The following ERP44 variants were observed in gnomAD, a reference collection of about 807,000 sequenced individuals.
ERP44 encodes endoplasmic reticulum resident protein 44.
In ERP44, 25 loss-of-function variants were observed where a neutral mutation model predicts 53.4. The observed-to-expected ratio is 0.47, with a 90% CI of 0.34 to 0.65. The LOEUF (loss-of-function observed/expected upper bound fraction) is 0.65. ERP44 is among the 30% of genes least tolerant of loss of function. The probability of loss-of-function intolerance (pLI) is 0.01; values close to 1 mark genes in which losing one functional copy is unlikely to be tolerated. For synonymous variants in ERP44, 145 were observed against 161.2 expected (o/e 0.90, Z 0.76); for missense variants, 338 against 493.2 (o/e 0.69, Z 2.98).
chr9:100,086,479 G>T (rs1252193723), intron 1 of ERP44, among the ~76,000 whole-genome samples: 1 of 152,130 alleles, frequency 6.6e-6, no homozygotes, highest in African/African-American at 2.4e-5. Context: ...TTTCTAAGGT[G>T]CTTTCTCCAT....
intron 7 of ERP44, among the ~76,000 whole-genome samples, chr9:100,016,658 C>A (rs756181798): frequency 6.6e-6 from 1 of 152,116 alleles, no homozygotes; most frequent in Non-Finnish European, 1.5e-5. Context: ...CATGCCACCA[C>A]GCCAAGCTAA....
At chr9:100,048,955 T>C (rs1056304308) in intron 4 of ERP44, among the ~76,000 whole-genome samples, 1 of 152,214 alleles carries the variant, frequency 6.6e-6, no homozygotes, top group Non-Finnish European at 1.5e-5. Context: ...ACAATGTGAA[T>C]ACATTTAACA....
At chr9:100,008,002 C>T (rs1470955120) in intron 8 of ERP44, among the ~76,000 whole-genome samples, 3 of 152,162 alleles carry the variant, frequency 2.0e-5, no homozygotes, top group Non-Finnish European at 2.9e-5. Flanking sequence ...GAATTCATGA[C>T]ATATAGAGGT....
chr9:100,027,353 C>T (rs1228583306), intron 4 of ERP44, among the ~76,000 whole-genome samples: 1 of 152,186 alleles, frequency 6.6e-6, no homozygotes, highest in Non-Finnish European at 1.5e-5. Context: ...ATCCTGGCAG[C>T]AGGTATGCTG....
chr9:100,005,231 T>G (rs929640414), intron 10 of ERP44, among the ~76,000 whole-genome samples: 6 of 152,196 alleles, frequency 3.9e-5, no homozygotes, highest in African/African-American at 1.2e-4. Context: ...TATACCTACC[T>G]TCGGCATCAA....
At chr9:100,062,186 T>C (rs1467381324) in intron 1 of ERP44, among the ~76,000 whole-genome samples, 1 of 152,194 alleles carries the variant, frequency 6.6e-6, no homozygotes, top group Non-Finnish European at 1.5e-5. Context: ...CATCAACCTA[T>C]GAATAAAAAT....
At chr9:99,989,895 G>A (rs1318765967) in intron 10 of ERP44, among the ~76,000 whole-genome samples, 4 of 152,164 alleles carry the variant, frequency 2.6e-5, no homozygotes, top group Non-Finnish European at 5.9e-5. Flanking sequence ...TACAGTAGCC[G>A]ATTCGATCCA....
In ERP44 at chr9:100,007,693, T is replaced by C; in HGVS notation, c.763-4A>G. The stretch of plus-strand genomic sequence containing the variant: ...GCAGTCCTTCTTCTGTCAATTCCTG[T>C]AGAGAGAAGCATTCAATGAGAATTA... On this transcript the variant is annotated splice_region_variant and splice_polypyrimidine_tract_variant and intron_variant, in intron 8 of 11. Transcript: ENST00000262455. 1.4e-6 allele frequency: 2 copies of C among 1,389,110 alleles called. No individual in the cohort carries two copies. The highest frequency in any genetic ancestry group is 1.4e-5 in the African/African-American group (1 of 70,660). The allele number at this position is 1,389,110 out of a possible 1,614,324, so 86.0% of individuals were successfully genotyped here.
At position 100,016,088 on chromosome 9, in the gene ERP44, C is replaced by T. The variant is rs565269724; in HGVS notation, c.762+234G>A. ...ATCACCTGAAAGGCATTTTCAAACT[C>T]ATTTTGAAGGCTGTAGTGAACTACT... is the stretch of plus-strand genomic sequence containing the variant. On this transcript the variant is annotated intron_variant, in intron 8 of 11. Coordinates refer to ENST00000262455, the MANE Select transcript of ERP44 (RefSeq NM_015051.3). 2.5e-3 allele frequency among the ~76,000 whole-genome samples: 377 copies of T among 152,262 alleles called. 2 individuals carry two copies. Among genetic ancestry groups the T allele is most frequent in the Non-Finnish European group, 3.4e-3 (234 of 68,014 alleles).
intron 10 of ERP44, among the ~76,000 whole-genome samples, chr9:100,001,092 T>G (rs1231255886): frequency 6.6e-6 from 1 of 152,218 alleles, no homozygotes; most frequent in Non-Finnish European, 1.5e-5. Flanking sequence ...CCTTTTAAAT[T>G]CTTCTTTGCT....
intron 4 of ERP44, among the ~76,000 whole-genome samples, chr9:100,024,700 A>G (rs575026082): frequency 1.3e-5 from 2 of 152,338 alleles, no homozygotes; most frequent in African/African-American, 4.8e-5. Flanking sequence ...AAAGCACATG[A>G]GTAATCATGC....
chr9:100,079,361 A>G (rs959058781), intron 1 of ERP44, among the ~76,000 whole-genome samples: 32 of 151,006 alleles, frequency 2.1e-4, no homozygotes, highest in Non-Finnish European at 4.3e-4. Context: ...CAGACAGCCT[A>G]TTGTGGAACC....
chr9:100,043,708 A>G (rs1255360178), intron 4 of ERP44, among the ~76,000 whole-genome samples: 1 of 151,702 alleles, frequency 6.6e-6, no homozygotes, highest in Non-Finnish European at 1.5e-5. Context: ...TGAGCTGAGA[A>G]CGCGCCACTG....
rs146186366 is a variant in ERP44 at position 100,028,203 on chromosome 9, A to G, written c.287-5977T>C. 8.5e-5 allele frequency among the ~76,000 whole-genome samples: 13 copies of G among 152,364 alleles called. No individual in the cohort carries two copies. In the East Asian group the frequency reaches 2.3e-3, roughly 27 times the overall value. ...GTGCTACCTAATCAAGGACAATTAC[A>G]AAGTACTTTCCTAAAAACACAAGTG... On this transcript the variant is annotated intron_variant, in intron 4 of 11. Coordinates refer to ENST00000262455, the MANE Select transcript of ERP44 (RefSeq NM_015051.3).
intron 7 of ERP44, among the ~76,000 whole-genome samples, chr9:100,017,590 T>A (rs903258002): frequency 1.3e-4 from 20 of 152,216 alleles, no homozygotes; most frequent in African/African-American, 4.3e-4. Context: ...GCATAAAAAT[T>A]AAAAATCTCA....
rs1420865926 is a variant in ERP44, at chr9:99,992,604, CACAAG to C, written c.1017-7540_1017-7536del. ...TGGAAGCATTCCCTTTGAAAACTGG[CACAAG>C]ACAGGGATGCCCTCTCTCACCACTC... On this transcript the variant is annotated intron_variant, in intron 10 of 11. Coordinates refer to ENST00000262455, the MANE Select transcript of ERP44 (RefSeq NM_015051.3). Among the ~76,000 whole-genome samples the C allele has an allele frequency of 2.6e-5, 4 of 152,290 alleles. No individual in the cohort carries two copies. The South Asian group carries it at 6.2e-4, about 24-fold the overall frequency.
At chr9:100,010,476 C>T (rs1830464485) in intron 8 of ERP44, among the ~76,000 whole-genome samples, 1 of 152,182 alleles carries the variant, frequency 6.6e-6, no homozygotes, top group African/African-American at 2.4e-5. Flanking sequence ...GCAAGAACTA[C>T]CACAGCAGGC....
chr9:100,053,664 C>T (rs923194620), intron 3 of ERP44, among the ~76,000 whole-genome samples: 3 of 152,054 alleles, frequency 2.0e-5, no homozygotes, highest in Non-Finnish European at 2.9e-5. Context: ...AGTAAAAATA[C>T]GGTATTATAT....
At chr9:99,988,127 T>G (rs997953760) in intron 10 of ERP44, among the ~76,000 whole-genome samples, 1 of 152,228 alleles carries the variant, frequency 6.6e-6, no homozygotes, top group East Asian at 1.9e-4. Flanking sequence ...CATGAATACC[T>G]TGTATTATCA....
Sources: allele counts gnomAD v4.1 joint callset (sites outside exome capture counted in the v4.1 genomes callset), GRCh38; gene constraint gnomAD v4.1.1; transcripts MANE v1.5; gene names NCBI Gene and HGNC (gene_info 2026-07-23, HGNC 2026-07-21).